AKAP19: variants seen among roughly 807,000 people sequenced by gnomAD.
AKAP19 encodes the protein small A-kinase anchoring protein.
At chr2:190,049,977 G>A in the AKAP19 span, among the ~76,000 whole-genome samples, 1 of 152,114 alleles carries the variant, frequency 6.6e-6, no homozygotes, top group South Asian at 2.1e-4. Flanking sequence ...TGCATTTTGG[G>A]GGGAGGATAA....
the AKAP19 span, among the ~76,000 whole-genome samples, chr2:190,074,257 T>G: frequency 1.3e-5 from 2 of 152,122 alleles, no homozygotes; most frequent in African/African-American, 4.8e-5. Flanking sequence ...CTAGGTAAAT[T>G]TTTATAAGGA....
chr2:190,199,231 A>G, the AKAP19 span, among the ~76,000 whole-genome samples: 336 of 152,314 alleles, frequency 2.2e-3, no homozygotes, highest in African/African-American at 7.6e-3. Context: ...GTAAAGGGTC[A>G]GATAGTACAT....
the AKAP19 span, among the ~76,000 whole-genome samples, chr2:190,179,385 C>T: frequency 2.0e-5 from 3 of 150,002 alleles, no homozygotes; most frequent in Non-Finnish European, 4.4e-5. The surrounding 1 kb of genome is among the most constrained non-coding windows in gnomAD (Gnocchi z 6.0). Flanking sequence ...CCAGCCTGGG[C>T]GACAAGAGCA....
At chr2:189,994,724 G>A in the AKAP19 span, among the ~76,000 whole-genome samples, 5 of 151,906 alleles carry the variant, frequency 3.3e-5, no homozygotes, top group South Asian at 4.2e-4. Flanking sequence ...TCAGCCTTCC[G>A]AGTAGCTGGG....
At chr2:190,167,933 G>T in the AKAP19 span, among the ~76,000 whole-genome samples, 1 of 152,166 alleles carries the variant, frequency 6.6e-6, no homozygotes, top group Non-Finnish European at 1.5e-5. Flanking sequence ...GTGTCTGGAG[G>T]ATGGTGGCCC....
At chr2:190,080,844 A>G in the AKAP19 span, among the ~76,000 whole-genome samples, 1 of 152,150 alleles carries the variant, frequency 6.6e-6, no homozygotes, top group Admixed American at 6.5e-5. Flanking sequence ...ACAAACCTCT[A>G]CTACTACAGC....
At chr2:189,903,544 G>A in the AKAP19 span, among the ~76,000 whole-genome samples, 2 of 151,894 alleles carry the variant, frequency 1.3e-5, no homozygotes, top group Non-Finnish European at 2.9e-5. Flanking sequence ...ATATTTGAAT[G>A]CCATTCATAT....
chr2:189,988,274 A>G, the AKAP19 span, among the ~76,000 whole-genome samples: 2 of 152,226 alleles, frequency 1.3e-5, no homozygotes, highest in African/African-American at 4.8e-5. Flanking sequence ...AACATGTCCA[A>G]AGAACCCCGT....
chr2:190,062,172 A>C, the AKAP19 span: 1 of 1,598,860 alleles, frequency 6.3e-7, no homozygotes, highest in Non-Finnish European at 8.6e-7. Context: ...TCTCATAAAC[A>C]CTAGAACAAC....
chr2:189,972,169 A>G, the AKAP19 span, among the ~76,000 whole-genome samples: 2 of 152,060 alleles, frequency 1.3e-5, no homozygotes, highest in East Asian at 3.9e-4. Context: ...TAAGGTGTAA[A>G]GAAGGGATCC....
the AKAP19 span, among the ~76,000 whole-genome samples, chr2:189,967,411 A>C: frequency 6.6e-6 from 1 of 152,248 alleles, no homozygotes; most frequent in African/African-American, 2.4e-5. Context: ...AAAGAAAAGG[A>C]AACTGCTAAA....
the AKAP19 span, among the ~76,000 whole-genome samples, chr2:190,103,618 T>A: frequency 1.3e-5 from 2 of 152,210 alleles, no homozygotes; most frequent in Non-Finnish European, 2.9e-5. Context: ...TACCTACGAA[T>A]ACATCTAACC....
chr2:190,170,118 G>C, the AKAP19 span, among the ~76,000 whole-genome samples: 1 of 152,208 alleles, frequency 6.6e-6, no homozygotes, highest in Non-Finnish European at 1.5e-5. Context: ...AGCACAATTG[G>C]GTTCTGGTGA....
chr2:190,056,122 T>C, the AKAP19 span: 2 of 152,588 alleles, frequency 1.3e-5, no homozygotes, highest in East Asian at 3.9e-4. Flanking sequence ...ATCATTAACA[T>C]ATGGAGTTTT....
At chr2:189,911,478 G>T in the AKAP19 span, among the ~76,000 whole-genome samples, 1 of 152,066 alleles carries the variant, frequency 6.6e-6, no homozygotes, top group Non-Finnish European at 1.5e-5. Context: ...AGCTATTCAA[G>T]TACTCTGTAA....
At chr2:190,126,563 G>T in the AKAP19 span, among the ~76,000 whole-genome samples, 1 of 151,716 alleles carries the variant, frequency 6.6e-6, no homozygotes, top group Non-Finnish European at 1.5e-5. Flanking sequence ...ACATATAAAA[G>T]AAATGTAAGA....
At chr2:190,101,983 G>A in the AKAP19 span, among the ~76,000 whole-genome samples, 1 of 152,016 alleles carries the variant, frequency 6.6e-6, no homozygotes, top group East Asian at 1.9e-4. Context: ...TTTAAAAATG[G>A]AAATAATACC....
the AKAP19 span, among the ~76,000 whole-genome samples, chr2:190,064,300 C>A: frequency 6.6e-6 from 1 of 152,254 alleles, no homozygotes; most frequent in Admixed American, 6.5e-5. Context: ...AATATTAGAT[C>A]TGGCTTCTAA....
the AKAP19 span, among the ~76,000 whole-genome samples, chr2:190,058,799 G>T: frequency 2.6e-5 from 4 of 151,860 alleles, no homozygotes; most frequent in Admixed American, 6.6e-5. Flanking sequence ...CTATGCGTAC[G>T]CAAAGACATA....
Sources: allele counts gnomAD v4.1 joint callset (sites outside exome capture counted in the v4.1 genomes callset), GRCh38; gene constraint gnomAD v4.1.1; non-coding constraint Gnocchi (gnomAD v3.1); transcripts MANE v1.5; gene names NCBI Gene and HGNC (gene_info 2026-07-23, HGNC 2026-07-21).